The following MTCL1 variants were observed in gnomAD, a reference collection of about 807,000 sequenced individuals.
The protein encoded by MTCL1 is microtubule cross-linking factor 1.
A neutral mutation model predicts 141.4 loss-of-function variants in MTCL1; 79 were observed. The observed-to-expected ratio is 0.56, with a 90% CI of 0.47 to 0.67. The LOEUF (loss-of-function observed/expected upper bound fraction) is 0.67. Ranked by LOEUF, MTCL1 falls within the 30% of genes least tolerant of loss-of-function variation. The pLI is 0.00. For synonymous variants in MTCL1, 914 were observed against 875.8 expected, an observed-to-expected ratio of 1.04 and a Z score of -0.77; for missense variants, 2,177 against 2,113.9, an observed-to-expected ratio of 1.03 and a Z score of -0.59.
rs556664830 is a variant in MTCL1, at chr18:8,710,658, C to T, written c.1053+3945C>T. Reference sequence around the variant, plus strand: ...AAGGTGGTAATGAAATCATTGGAATCCCTTTTACCAAAGTGAATTTTAAAA... The same window carrying T: ...AAGGTGGTAATGAAATCATTGGAATTCCTTTTACCAAAGTGAATTTTAAAA... On this transcript the variant is annotated intron_variant, in intron 1 of 13. Transcript: ENST00000306329. Among the ~76,000 whole-genome samples the T allele has an allele frequency of 2.7e-5, 4 of 150,496 alleles. No homozygotes were observed. In the South Asian group the frequency reaches 8.4e-4, roughly 32 times the overall value.
At position 8,810,415 on chromosome 18, in the gene MTCL1, T is replaced by C. The variant is rs1303086346; in HGVS notation, c.2605-2564T>C. Among the ~76,000 whole-genome samples the C allele has an allele frequency of 6.6e-6, 1 of 152,132 alleles. No homozygotes were observed. The highest frequency in any genetic ancestry group is 1.5e-5 in the Non-Finnish European group (1 of 68,024). On this transcript the variant is annotated intron_variant, in intron 11 of 16. Coordinates refer to ENST00000359865, the Ensembl canonical transcript of MTCL1. The surrounding 1 kb of genome is among the most constrained non-coding windows in gnomAD (Gnocchi z 5.0). ...TAAGCATTGAGGGGAGGGGTGACCC[T>C]GACCATGAGAGACCTGAGAGGTGTG...
intron 5 of MTCL1, among the ~76,000 whole-genome samples, chr18:8,781,860 G>A (rs958082786): frequency 6.6e-6 from 1 of 152,188 alleles, no homozygotes; most frequent in African/African-American, 2.4e-5. Context: ...TTTGTCCTCA[G>A]CTAAGAGATG....
At chr18:8,748,315 G>A (rs1201238513) in intron 4 of MTCL1, among the ~76,000 whole-genome samples, 1 of 152,136 alleles carries the variant, frequency 6.6e-6, no homozygotes, top group Non-Finnish European at 1.5e-5. Flanking sequence ...GCCAAGGCAG[G>A]AGGATCGCTT....
chr18:8,777,219 AAGT>A (rs760604658), intron 4 of MTCL1, among the ~76,000 whole-genome samples: 2 of 152,160 alleles, frequency 1.3e-5, no homozygotes, highest in Non-Finnish European at 2.9e-5. Flanking sequence ...CTGGGTGACA[AAGT>A]AGTGAGACTC....
chr18:8,718,352 G>T, intron 2 of MTCL1, 72 bp from the exon 2 acceptor site: 1 of 1,405,404 alleles, frequency 7.1e-7, no homozygotes, highest in Middle Eastern at 1.8e-4. Context: ...TGAGGAGCGG[G>T]TATGAAGGAG....
At position 8,806,880 on chromosome 18, in the gene MTCL1, A is replaced by G. The variant is rs1275170879; in HGVS notation, c.2437-13A>G. On this transcript the variant is annotated splice_polypyrimidine_tract_variant and intron_variant, in intron 10 of 16. Coordinates refer to ENST00000359865, the Ensembl canonical transcript of MTCL1. ...TAAAGGAGGTGGTGGAGCCTGACTC[A>G]GTGTTCCCGCAGGTGGTGGAAAACC... The G allele has an allele frequency of 6.2e-7, 1 of 1,611,180 alleles. No individual in the cohort carries two copies. Among genetic ancestry groups the G allele is most frequent in the Non-Finnish European group, 8.5e-7 (1 of 1,178,762 alleles).
chr18:8,733,187 C>T (rs1024689781), intron 4 of MTCL1, among the ~76,000 whole-genome samples: 1 of 152,184 alleles, frequency 6.6e-6, no homozygotes, highest in African/African-American at 2.4e-5. Flanking sequence ...GACTGTCAGA[C>T]CACCTCGGGG....
intron 13 of MTCL1, 89 bp downstream of exon 12, chr18:8,819,348 TGGC>T: frequency 7.1e-7 from 1 of 1,408,042 alleles, no homozygotes; most frequent in Non-Finnish European, 9.7e-7. Context: ...ATTCCTCTCC[TGGC>T]AGGCTCTAGC....
intron 7 of MTCL1, among the ~76,000 whole-genome samples, chr18:8,788,555 G>A (rs1189245977): frequency 7.2e-5 from 11 of 152,176 alleles, no homozygotes; most frequent in African/African-American, 2.2e-4. Context: ...ATTTTGGCCC[G>A]ACCAAAACTG....
At chr18:8,716,436 A>T (rs2096128567), upstream of MTCL1, among the ~76,000 whole-genome samples, 1 of 152,126 alleles carries the variant, frequency 6.6e-6, no homozygotes. Flanking sequence ...GGTAAGGTTG[A>T]CCGAAGCATC....
At position 8,761,000 on chromosome 18, in the gene MTCL1, G is replaced by C. The variant is rs557047526; in HGVS notation, c.358-16833G>C. ...ATGTAATAATATAAAAATTTTAAATGTGTGTCACCATTTTTTTAAAAAGTA... is the reference window on the plus strand; with the variant it reads ...ATGTAATAATATAAAAATTTTAAATCTGTGTCACCATTTTTTTAAAAAGTA... On this transcript the variant is annotated intron_variant, in intron 4 of 16. Transcript: ENST00000359865. 2.9e-4 allele frequency among the ~76,000 whole-genome samples: 44 copies of C among 152,300 alleles called. 1 individual carries two copies. Among genetic ancestry groups the C allele is most frequent in the African/African-American group, 1.1e-3 (44 of 41,542 alleles).
chr18:8,722,516 G>A (rs1031437517), intron 4 of MTCL1, among the ~76,000 whole-genome samples: 5 of 152,170 alleles, frequency 3.3e-5, no homozygotes, highest in Non-Finnish European at 5.9e-5. Context: ...CACATATTTT[G>A]CATGTTGTAT....
At chr18:8,774,175 A>T (rs1036254843) in intron 4 of MTCL1, among the ~76,000 whole-genome samples, 1 of 152,142 alleles carries the variant, frequency 6.6e-6, no homozygotes, top group African/African-American at 2.4e-5. Flanking sequence ...TGGTTCGCCA[A>T]CTTCTGTTCT....
intron 13 of MTCL1, among the ~76,000 whole-genome samples, chr18:8,819,686 G>A (rs1040796784): frequency 4.0e-5 from 6 of 151,820 alleles, no homozygotes; most frequent in African/African-American, 7.3e-5. Context: ...CACCACAGCC[G>A]TGACCTCCTA....
chr18:8,764,288 G>T (rs924536592), intron 4 of MTCL1, among the ~76,000 whole-genome samples: 2 of 151,460 alleles, frequency 1.3e-5, no homozygotes, highest in African/African-American at 4.8e-5. Flanking sequence ...ATCTTTAAAA[G>T]AATGCTTTAT....
chr18:8,784,236 T>C (rs1397996280), exon 6 of MTCL1: 2 of 1,608,556 alleles, frequency 1.2e-6, no homozygotes, highest in East Asian at 2.2e-5. Context: ...GCAGCCCACC[T>C]GGGGCTGCGT....
In MTCL1 at chr18:8,778,194, A is replaced by C. The variant is rs563528415; in HGVS notation, c.417+302A>C. ...CCTGACAGTACTTATAAATGGTAAA[A>C]AGTGTTTTGACCTTCAAAGTCATCC... is the stretch of plus-strand genomic sequence containing the variant. On this transcript the variant is annotated intron_variant, in intron 5 of 16. Coordinates refer to ENST00000359865, the Ensembl canonical transcript of MTCL1. Among the ~76,000 whole-genome samples, 4 of 152,336 alleles carry C rather than the reference A, an allele frequency of 2.6e-5. No individual in the cohort carries two copies. In the East Asian group the frequency reaches 7.7e-4, roughly 29 times the overall value.
chr18:8,783,925 C>A, exon 6 of MTCL1: 1 of 1,613,524 alleles, frequency 6.2e-7, no homozygotes, highest in Middle Eastern at 1.6e-4. Context: ...TGGAGTCCTC[C>A]ACTGAGCTCC....
chr18:8,809,646 A>C lies in MTCL1; in HGVS notation c.2604+2586A>C, dbSNP rs909867236. 10 of 1,516,508 alleles carry C rather than the reference A, an allele frequency of 6.6e-6. No homozygotes were observed. The Admixed American group carries it at 2.0e-4, about 30-fold the overall frequency. 93.9% of individuals were successfully genotyped at this position (1,516,508 alleles called of 1,614,324 possible). A position where few individuals can be genotyped will look rare whatever the true frequency, so the allele number is the denominator to read the frequency against. ...CCTGAAAAAAACGGAGCAAGTAGAG[A>C]GTGGCCGGGCCTGGTGGCCGGTTCA... On this transcript the variant is annotated intron_variant, in intron 11 of 16. Transcript: ENST00000359865.
Sources: gnomAD v4.1 joint callset for allele counts (sites outside exome capture counted in the v4.1 genomes callset) on GRCh38, gnomAD v4.1.1 for gene constraint, Gnocchi (gnomAD v3.1) non-coding constraint, MANE v1.5 for transcripts, NCBI Gene and HGNC (gene_info 2026-07-23, HGNC 2026-07-21) for gene names.